SLC34A2: variants seen among roughly 807,000 people sequenced by gnomAD.
SLC34A2 encodes the protein solute carrier family 34 member 2.
SLC34A2 carries 41 observed loss-of-function variants against 50.8 expected under a neutral mutation model. That is an observed-to-expected ratio of 0.81 (90% CI 0.63 to 1.05). The LOEUF is 1.05. SLC34A2 is among the 50% of genes least tolerant of loss of function. The pLI is 0.00. For synonymous variants in SLC34A2, 401 were observed against 364.2 expected (o/e 1.10, Z -1.15); for missense variants, 879 against 876.7 (o/e 1.00, Z -0.03).
rs764619218 is a variant in SLC34A2, at chr4:25,674,640, G to A, written c.1458+11G>A. The A allele has an allele frequency of 5.0e-6, 8 of 1,613,972 alleles. No individual in the cohort carries two copies. The highest frequency in any genetic ancestry group is 5.9e-6 in the Non-Finnish European group (7 of 1,179,928). On this transcript the variant is annotated intron_variant, in intron 12 of 12. Coordinates refer to ENST00000382051, the MANE Select transcript of SLC34A2 (RefSeq NM_006424.3). ...AGGAGTTCACTCCAGGTCAGGACTT[G>A]GGGCACGGGGACAGGGGCCCTGGGA...
At chr4:25,660,851 G>T (rs1165949946) in intron 1 of SLC34A2, among the ~76,000 whole-genome samples, 7 of 152,252 alleles carry the variant, frequency 4.6e-5, no homozygotes, top group African/African-American at 9.6e-5. Flanking sequence ...GGCCTGGATT[G>T]CTTCTTTTTT....
intron 9 of SLC34A2, among the ~76,000 whole-genome samples, chr4:25,672,882 C>A (rs573826348): frequency 1.3e-5 from 2 of 152,136 alleles, no homozygotes; most frequent in Non-Finnish European, 2.9e-5. Context: ...CAGCCTCATG[C>A]GATCCCACTG....
rs1329172376 is a variant in SLC34A2 at position 25,676,683 on chromosome 4, C to T, written c.2007C>T (p.Thr669=). 6.2e-7 allele frequency: 1 copy of T among 1,614,110 alleles called. No individual in the cohort carries two copies. The highest frequency in any genetic ancestry group is 2.2e-5 in the East Asian group (1 of 44,892). The change falls in exon 13 of 13, where the codon ACC becomes ACT. Residue 669 remains threonine (T), a synonymous_variant. Transcript: ENST00000382051. The part of the protein sequence containing the change: ...VKAPETFDNI[T]ISREAQGEVP... ...CTCCTGAGACCTTTGATAACATAAC[C>T]ATTAGCAGAGAGGCTCAGGGTGAGG...
intron 10 of SLC34A2, among the ~76,000 whole-genome samples, chr4:25,673,702 G>A (rs1235299436): frequency 1.3e-5 from 2 of 152,190 alleles, no homozygotes; most frequent in Non-Finnish European, 2.9e-5. Flanking sequence ...TTCCTGCCAA[G>A]TAGGGTGTCC....
chr4:25,669,841 A>G lies in SLC34A2; in HGVS notation c.830A>G (p.Gln277Arg), dbSNP rs1714721430. ...ITKPFTKLIV[Q>R]LDKKVISQIA... ...AAGCCCTTCACAAAGCTCATTGTCCAGGTAACTTAGCTCCTTCAGAGAGAG... is the reference window on the plus strand; with the variant it reads ...AAGCCCTTCACAAAGCTCATTGTCCGGGTAACTTAGCTCCTTCAGAGAGAG... Residue 277 changes from glutamine to arginine, a missense_variant and splice_region_variant, in exon 7 of 13, where the codon CAG becomes CGG. Transcript: ENST00000382051. The G allele has an allele frequency of 6.2e-7, 1 of 1,613,786 alleles. No homozygotes were observed. Among genetic ancestry groups the G allele is most frequent in the African/African-American group, 1.3e-5 (1 of 74,944 alleles).
chr4:25,675,661 A>G (rs1015499780), intron 12 of SLC34A2, among the ~76,000 whole-genome samples: 12 of 152,230 alleles, frequency 7.9e-5, no homozygotes, highest in African/African-American at 2.9e-4. Context: ...AGTCTTTGAA[A>G]TCTGGTGTGT....
At chr4:25,671,820 G>T (rs1450876163) in intron 9 of SLC34A2, 99 bp downstream of exon 9, 1 of 1,546,740 alleles carries the variant, frequency 6.5e-7, no homozygotes. Context: ...AAGGACAGTA[G>T]GAGTCACCAA....
At chr4:25,669,881 C>G in intron 7 of SLC34A2, 39 bp downstream of exon 7, 4 of 1,543,530 alleles carry the variant, frequency 2.6e-6, no homozygotes, top group Non-Finnish European at 9.0e-7. Flanking sequence ...AGACTAACTT[C>G]CTACCCACAA....
chr4:25,673,053 T>C (rs1409372534), intron 9 of SLC34A2, 34 bp from the exon 10 acceptor site: 1 of 1,611,922 alleles, frequency 6.2e-7, no homozygotes, highest in African/African-American at 1.3e-5. Flanking sequence ...GGTGGCTCCA[T>C]GCCCTCCTGA....
intron 9 of SLC34A2, 86 bp downstream of exon 9, chr4:25,671,807 G>A (rs555428879): frequency 1.9e-6 from 3 of 1,592,624 alleles, no homozygotes; most frequent in Non-Finnish European, 2.6e-6. Flanking sequence ...AGTAAGTGAA[G>A]GAAAGGACAG....
At position 25,668,424 on chromosome 4, in the gene SLC34A2, G is replaced by A. The variant is rs556309509; in HGVS notation, c.635+433G>A. Among the ~76,000 whole-genome samples the A allele has an allele frequency of 2.4e-4, 36 of 152,270 alleles. 1 individual carries two copies. In the East Asian group the frequency reaches 5.6e-3, roughly 24 times the overall value. On this transcript the variant is annotated intron_variant, in intron 6 of 12. Transcript: ENST00000382051. ...TCCCAGCACTCTGGGAGGCCCAGGC[G>A]GGTGGATCGCCTGAGGTCAGGAGCC...
In SLC34A2 at chr4:25,678,672, C is replaced by A; in HGVS notation, c.*1923C>A. ...CTGAGATCACAGGCGTGAGCCACCA[C>A]CAGGCCTGATTGTAATTTTTTTTTT... is the stretch of plus-strand genomic sequence containing the variant. On this transcript the variant is annotated 3_prime_UTR_variant, in exon 13 of 13. Transcript: ENST00000382051. 2 of 433,516 alleles carry A rather than the reference C, an allele frequency of 4.6e-6. No homozygotes were observed. Among genetic ancestry groups the A allele is most frequent in the Non-Finnish European group, 8.4e-6 (2 of 237,960 alleles). The allele number at this position is 433,516 out of a possible 1,614,324, so 26.9% of individuals were successfully genotyped here.
intron 1 of SLC34A2, among the ~76,000 whole-genome samples, chr4:25,660,691 G>A (rs927040046): frequency 2.0e-5 from 3 of 152,070 alleles, no homozygotes; most frequent in Non-Finnish European, 4.4e-5. Flanking sequence ...AATTACAGGT[G>A]CATGCCACCA....
chr4:25,659,639 G>A (rs528322266), intron 1 of SLC34A2, among the ~76,000 whole-genome samples: 10 of 152,224 alleles, frequency 6.6e-5, no homozygotes, highest in African/African-American at 2.2e-4. Context: ...CCTCATAACA[G>A]CTCAGTAAGC....
At chr4:25,662,037 A>G (rs185652658) in intron 1 of SLC34A2, among the ~76,000 whole-genome samples, 199 of 151,874 alleles carry the variant, frequency 1.3e-3, no homozygotes, top group African/African-American at 4.4e-3. Flanking sequence ...CACGCCGGCT[A>G]ATTTTTATAT....
chr4:25,657,505 T>C (rs1339976543), intron 1 of SLC34A2, among the ~76,000 whole-genome samples: 1 of 152,098 alleles, frequency 6.6e-6, no homozygotes, highest in African/African-American at 2.4e-5. Context: ...TTTAACTGCT[T>C]TAACCTCCCC....
intron 6 of SLC34A2, 124 bp downstream of exon 6, chr4:25,668,115 T>G: frequency 1.4e-6 from 1 of 730,400 alleles, no homozygotes; most frequent in Non-Finnish European, 2.5e-6. Flanking sequence ...TTCCTAGAAG[T>G]AACCACAGGG....
rs145165697 is a variant in SLC34A2 at position 25,657,255 on chromosome 4, T to G, written c.-4+1365T>G. Among the ~76,000 whole-genome samples, 28 of 152,248 alleles carry G rather than the reference T, an allele frequency of 1.8e-4. 1 individual carries two copies. In the Middle Eastern group the frequency reaches 0.01, roughly 55 times the overall value. ...AAAAAATAGCCCGAATTCAATGCAA[T>G]GAGGAAAACAGCCTCACAGAATCAG... On this transcript the variant is annotated intron_variant, in intron 1 of 12. Transcript: ENST00000382051.
intron 3 of SLC34A2, 103 bp from the exon 4 acceptor site, chr4:25,664,099 G>A: frequency 1.8e-6 from 2 of 1,107,452 alleles, no homozygotes; most frequent in Non-Finnish European, 2.8e-6. Context: ...GGGAAGGGAG[G>A]GGAGGTCGGG....
Sources: allele counts gnomAD v4.1 joint callset (sites outside exome capture counted in the v4.1 genomes callset), GRCh38; gene constraint gnomAD v4.1.1; transcripts MANE v1.5; gene names NCBI Gene and HGNC (gene_info 2026-07-23, HGNC 2026-07-21).